Variants in RNF185 observed in about 807,000 individuals in gnomAD.
RNF185 encodes the protein ring finger protein 185, also known as E3 ubiquitin-protein ligase RNF185.
A neutral mutation model predicts 24.9 loss-of-function variants in RNF185; 13 were observed. The observed-to-expected ratio is 0.52, with a 90% CI of 0.34 to 0.83. The LOEUF (loss-of-function observed/expected upper bound fraction) is 0.83. RNF185 is among the 40% of genes least tolerant of loss of function. The probability of loss-of-function intolerance (pLI) is 0.01; values close to 1 mark genes in which losing one functional copy is unlikely to be tolerated. For missense variants in RNF185, 184 were observed against 244.7 expected (o/e 0.75, Z 1.65); for synonymous variants, 79 against 90.3 (o/e 0.88, Z 0.71).
intron 1 of RNF185, among the ~76,000 whole-genome samples, chr22:31,161,613 C>G (rs1164864037): frequency 3.9e-5 from 6 of 152,234 alleles, no homozygotes; most frequent in African/African-American, 1.4e-4. Flanking sequence ...GGAAATGCCT[C>G]TGAAGATTTT....
chr22:31,185,500 A>G (rs564925850), intron 1 of RNF185, among the ~76,000 whole-genome samples: 1 of 152,264 alleles, frequency 6.6e-6, no homozygotes, highest in Non-Finnish European at 1.5e-5. Flanking sequence ...TGACCTGGAG[A>G]GGCACAGTCT....
chr22:31,178,337 T>C (rs1487998878), intron 1 of RNF185, among the ~76,000 whole-genome samples: 2 of 152,224 alleles, frequency 1.3e-5, no homozygotes, highest in Non-Finnish European at 2.9e-5. Context: ...TCTAAAATAC[T>C]GTATTTTGTT....
chr22:31,187,822 G>A (rs1397931851), intron 2 of RNF185, among the ~76,000 whole-genome samples: 1 of 152,212 alleles, frequency 6.6e-6, no homozygotes, highest in Non-Finnish European at 1.5e-5. Flanking sequence ...TCATCAAAAT[G>A]AAGTGTCAAG....
At chr22:31,172,768 A>AG (rs2047942873) in intron 1 of RNF185, among the ~76,000 whole-genome samples, 1 of 150,656 alleles carries the variant, frequency 6.6e-6, no homozygotes, top group African/African-American at 2.4e-5. Flanking sequence ...AAAAAAAAAA[A>AG]GCAAAACCCT....
At chr22:31,160,818 C>G (rs1441796790) in intron 1 of RNF185, among the ~76,000 whole-genome samples, 1 of 152,212 alleles carries the variant, frequency 6.6e-6, no homozygotes, top group Non-Finnish European at 1.5e-5. Context: ...CTTACACCAT[C>G]TGCTTTGTAA....
chr22:31,179,939 A>C (rs1247358883), intron 1 of RNF185, among the ~76,000 whole-genome samples: 3 of 152,194 alleles, frequency 2.0e-5, no homozygotes, highest in Non-Finnish European at 4.4e-5. Flanking sequence ...AGGCCACCTC[A>C]GTAGCCATGT....
At chr22:31,193,455 T>C (rs932619044) in intron 3 of RNF185, among the ~76,000 whole-genome samples, 15 of 152,244 alleles carry the variant, frequency 9.9e-5, no homozygotes, top group African/African-American at 3.4e-4. Flanking sequence ...TGCTGCCATC[T>C]CCTCAGCCCT....
chr22:31,161,092 A>C (rs1923546121), intron 1 of RNF185, among the ~76,000 whole-genome samples: 1 of 152,216 alleles, frequency 6.6e-6, no homozygotes, highest in South Asian at 2.1e-4. Context: ...AAATACTGTT[A>C]CGGCAAAGAG....
chr22:31,176,888 A>G (rs1388599952), intron 1 of RNF185, among the ~76,000 whole-genome samples: 1 of 152,164 alleles, frequency 6.6e-6, no homozygotes, highest in East Asian at 1.9e-4. Context: ...GTAATCTATT[A>G]TGTGGACGTA....
intron 1 of RNF185, among the ~76,000 whole-genome samples, chr22:31,171,156 C>CTTATTTATTTATTTAT (rs55965706): frequency 0.078 from 11,104 of 143,148 alleles, 516 homozygotes; most frequent in Middle Eastern, 0.09. Flanking sequence ...CTCTGATTTA[C>CTTATTTATTTATTTAT]TTATTTATTT....
intron 4 of RNF185, among the ~76,000 whole-genome samples, chr22:31,195,908 C>T (rs1193928121): frequency 6.6e-6 from 1 of 152,062 alleles, no homozygotes; most frequent in Non-Finnish European, 1.5e-5. Context: ...TAAAGCATGG[C>T]GGGAGGGGAA....
intron 1 of RNF185, among the ~76,000 whole-genome samples, chr22:31,179,041 A>G (rs2048009129): frequency 6.6e-6 from 1 of 152,204 alleles, no homozygotes; most frequent in African/African-American, 2.4e-5. Flanking sequence ...GATAAAATGC[A>G]GCGATAGATG....
rs562400029 is a variant in RNF185 at position 31,202,434 on chromosome 22, C to G, written c.481+819C>G. On this transcript the variant is annotated intron_variant, in intron 6 of 6. Transcript: ENST00000326132. ...GTGGTTCACGCCAAGAGCTTATGCC[C>G]TAAAGATGGTAACTGGGTCATCCCA... Among the ~76,000 whole-genome samples the G allele has an allele frequency of 1.4e-4, 22 of 152,060 alleles. 1 individual carries two copies. The South Asian group carries it at 4.6e-3, about 32-fold the overall frequency.
At chr22:31,169,522 T>C (rs899380080) in intron 1 of RNF185, among the ~76,000 whole-genome samples, 2 of 152,104 alleles carry the variant, frequency 1.3e-5, no homozygotes, top group African/African-American at 4.8e-5. Flanking sequence ...AATTGCTGCC[T>C]GGTTATCATA....
intron 1 of RNF185, among the ~76,000 whole-genome samples, chr22:31,179,575 C>T (rs1332548706): frequency 2.0e-5 from 3 of 152,174 alleles, no homozygotes; most frequent in African/African-American, 7.2e-5. Context: ...GGCTGTAGAT[C>T]CTGGGTGGGG....
chr22:31,169,471 G>T (rs1001610621), intron 1 of RNF185, among the ~76,000 whole-genome samples: 25 of 152,216 alleles, frequency 1.6e-4, no homozygotes, highest in African/African-American at 6.0e-4. Context: ...TTAAAGTCAT[G>T]ACCAAGTGGC....
intron 1 of RNF185, among the ~76,000 whole-genome samples, chr22:31,181,784 C>T (rs556080489): frequency 1.5e-3 from 225 of 149,708 alleles, no homozygotes; most frequent in Non-Finnish European, 2.7e-3. Context: ...TGTTCTCACT[C>T]ATAGGTGGGA....
chr22:31,191,517 T>C (rs1053860776), intron 2 of RNF185, among the ~76,000 whole-genome samples: 14 of 152,122 alleles, frequency 9.2e-5, no homozygotes, highest in African/African-American at 2.7e-4. Context: ...ATGTGTTAAC[T>C]AAATAAACGA....
chr22:31,184,121 G>A (rs1370363740), intron 1 of RNF185, among the ~76,000 whole-genome samples: 2 of 151,810 alleles, frequency 1.3e-5, no homozygotes, highest in African/African-American at 2.4e-5. Context: ...CCTCCTGGAC[G>A]GGGCAGCTGC....
Sources: allele counts gnomAD v4.1 joint callset (sites outside exome capture counted in the v4.1 genomes callset), GRCh38; gene constraint gnomAD v4.1.1; transcripts MANE v1.5; gene names NCBI Gene and HGNC (gene_info 2026-07-23, HGNC 2026-07-21).